NOVA1: variants seen among roughly 807,000 people sequenced by gnomAD.
NOVA1 encodes NOVA alternative splicing regulator 1, also known as RNA-binding protein Nova-1.
NOVA1 carries 7 observed loss-of-function variants against 38.0 expected under a neutral mutation model. The ratio of observed to expected loss-of-function variants is 0.18; its 90% CI spans 0.10 to 0.35. The LOEUF (loss-of-function observed/expected upper bound fraction) is 0.35, where lower values mean the gene tolerates loss of function less well. Ranked by LOEUF, NOVA1 falls within the 10% of genes least tolerant of loss-of-function variation. NOVA1 has a pLI of 1.00. For missense variants in NOVA1, 460 were observed against 616.0 expected (o/e 0.75, Z 2.68); for synonymous variants, 270 against 232.5 (o/e 1.16, Z -1.47).
intron 4 of NOVA1, among the ~76,000 whole-genome samples, chr14:26,465,746 C>T (rs1418204262): frequency 6.6e-6 from 1 of 152,066 alleles, no homozygotes; most frequent in Non-Finnish European, 1.5e-5. Context: ...ATTCTTTCAA[C>T]TAACGCTAGT....
At chr14:26,554,894 A>G (rs1891388108) in intron 2 of NOVA1, among the ~76,000 whole-genome samples, 1 of 152,278 alleles carries the variant, frequency 6.6e-6, no homozygotes, top group Admixed American at 6.5e-5. Flanking sequence ...CCTTGCGTAT[A>G]AAAGCTACAG....
At chr14:26,545,675 T>TG (rs1168812128) in intron 2 of NOVA1, among the ~76,000 whole-genome samples, 1 of 152,108 alleles carries the variant, frequency 6.6e-6, no homozygotes, top group Non-Finnish European at 1.5e-5. Flanking sequence ...ACAACAACCC[T>TG]GTGAGGTAGG....
intron 2 of NOVA1, among the ~76,000 whole-genome samples, chr14:26,577,935 T>TTG (rs1892964339): frequency 6.6e-6 from 1 of 151,200 alleles, no homozygotes; most frequent in African/African-American, 2.4e-5. Context: ...TTTAAATCCA[T>TTG]GATACTGGAT....
chr14:26,509,478 T>G (rs955298999), intron 2 of NOVA1, among the ~76,000 whole-genome samples: 4 of 152,106 alleles, frequency 2.6e-5, no homozygotes, highest in African/African-American at 9.7e-5. Context: ...AAAAGTTACC[T>G]CCAAAGTTCT....
chr14:26,559,751 G>T (rs551126566), intron 2 of NOVA1, among the ~76,000 whole-genome samples: 1 of 151,952 alleles, frequency 6.6e-6, no homozygotes, highest in African/African-American at 2.4e-5. Flanking sequence ...TTGAGTGGAG[G>T]GATAAAAAGA....
chr14:26,491,710 T>C (rs1886364202), intron 2 of NOVA1, among the ~76,000 whole-genome samples: 1 of 152,224 alleles, frequency 6.6e-6, no homozygotes, highest in African/African-American at 2.4e-5. Context: ...GATTGTTCTC[T>C]TCCCATTGAA....
intron 2 of NOVA1, among the ~76,000 whole-genome samples, chr14:26,489,953 A>T (rs891344484): frequency 6.6e-6 from 1 of 152,174 alleles, no homozygotes; most frequent in Non-Finnish European, 1.5e-5. Flanking sequence ...TACTCTCACT[A>T]TCTCTTTCCA....
At chr14:26,542,289 A>G (rs1890510631) in intron 2 of NOVA1, among the ~76,000 whole-genome samples, 1 of 151,930 alleles carries the variant, frequency 6.6e-6, no homozygotes, top group African/African-American at 2.4e-5. Flanking sequence ...TCCAGGAAAA[A>G]GAATTTTTAA....
chr14:26,498,025 C>A (rs1038591075), intron 2 of NOVA1, among the ~76,000 whole-genome samples: 1 of 152,036 alleles, frequency 6.6e-6, no homozygotes, highest in Non-Finnish European at 1.5e-5. Context: ...TTCTGAAATA[C>A]ATGATGTTGA....
At chr14:26,455,555 C>T (rs529770220) in intron 4 of NOVA1, among the ~76,000 whole-genome samples, 75 of 151,970 alleles carry the variant, frequency 4.9e-4, no homozygotes, top group Non-Finnish European at 1.0e-3. Context: ...CACTGAATTA[C>T]CCAGACAATT....
intron 4 of NOVA1, among the ~76,000 whole-genome samples, chr14:26,464,152 A>G (rs1007949622): frequency 1.2e-4 from 18 of 152,158 alleles, no homozygotes; most frequent in Non-Finnish European, 1.9e-4. Flanking sequence ...TTTATCATAC[A>G]TTAAGTTCCC....
chr14:26,528,692 T>C (rs1185540821), intron 2 of NOVA1, among the ~76,000 whole-genome samples: 1 of 152,152 alleles, frequency 6.6e-6, no homozygotes, highest in Non-Finnish European at 1.5e-5. Flanking sequence ...TGAAGAATCT[T>C]AATCTAAGGA....
At chr14:26,524,393 C>T (rs1889146079) in intron 2 of NOVA1, among the ~76,000 whole-genome samples, 1 of 152,074 alleles carries the variant, frequency 6.6e-6, no homozygotes, top group Non-Finnish European at 1.5e-5. Context: ...CTTGTAAGTT[C>T]ACATAGAACA....
intron 2 of NOVA1, among the ~76,000 whole-genome samples, chr14:26,484,201 G>A (rs865953057): frequency 2.1e-4 from 32 of 151,932 alleles, no homozygotes; most frequent in African/African-American, 7.2e-5. Context: ...TTGGGAGACC[G>A]AGGCAGGCGG....
chr14:26,467,253 A>G (rs1444981013), intron 4 of NOVA1, among the ~76,000 whole-genome samples: 1 of 152,342 alleles, frequency 6.6e-6, no homozygotes, highest in South Asian at 2.1e-4. Context: ...CCAAGTAAAC[A>G]AAGTATGCCA....
At chr14:26,579,443 C>T (rs901112668) in intron 2 of NOVA1, among the ~76,000 whole-genome samples, 1 of 152,098 alleles carries the variant, frequency 6.6e-6, no homozygotes, top group Non-Finnish European at 1.5e-5. Context: ...ATTTCTTCCA[C>T]AAAGCAATCT....
chr14:26,539,719 C>A (rs551223139), intron 2 of NOVA1, among the ~76,000 whole-genome samples: 1 of 151,912 alleles, frequency 6.6e-6, no homozygotes, highest in East Asian at 1.9e-4. Context: ...TTTTATATAA[C>A]ACTGACAACT....
At chr14:26,507,573 T>G (rs547055690) in intron 2 of NOVA1, among the ~76,000 whole-genome samples, 100 of 152,288 alleles carry the variant, frequency 6.6e-4, no homozygotes, top group African/African-American at 1.5e-3. Flanking sequence ...GTTTCATGAA[T>G]TCTACCCTTT....
chr14:26,503,127 C>T (rs868269527), intron 2 of NOVA1, among the ~76,000 whole-genome samples: 9 of 151,916 alleles, frequency 5.9e-5, no homozygotes, highest in Middle Eastern at 3.4e-3. Context: ...AGGGAGAAAG[C>T]GACGATGAAA....
Sources: gnomAD v4.1 joint callset for allele counts (sites outside exome capture counted in the v4.1 genomes callset) on GRCh38, gnomAD v4.1.1 for gene constraint, MANE v1.5 for transcripts, NCBI Gene and HGNC (gene_info 2026-07-23, HGNC 2026-07-21) for gene names.